DDX19B: variants seen among roughly 807,000 people sequenced by gnomAD.
The protein encoded by DDX19B is ATP-dependent RNA helicase DDX19B.
In DDX19B, 27 loss-of-function variants were observed where a neutral mutation model predicts 58.1. The ratio of observed to expected loss-of-function variants is 0.46; its 90% CI spans 0.34 to 0.64. The LOEUF (loss-of-function observed/expected upper bound fraction) is 0.64. Ranked by LOEUF, DDX19B falls within the 30% of genes least tolerant of loss-of-function variation. DDX19B has a pLI of 0.01. For synonymous variants in DDX19B, 187 were observed against 214.4 expected, an observed-to-expected ratio of 0.87 and a Z score of 1.12; for missense variants, 399 against 596.5, an observed-to-expected ratio of 0.67 and a Z score of 3.45.
chr16:70,330,845 G>A (rs1425913653), intron 9 of DDX19B, among the ~76,000 whole-genome samples: 1 of 152,020 alleles, frequency 6.6e-6, no homozygotes, highest in East Asian at 1.9e-4. Context: ...AGGAGTTCAA[G>A]ACCAGCTTGC....
chr16:70,290,442 C>T (rs1961030808), upstream of DDX19B, among the ~76,000 whole-genome samples: 2 of 152,064 alleles, frequency 1.3e-5, no homozygotes, highest in African/African-American at 2.4e-5. Flanking sequence ...CAAGGGAATC[C>T]CTTGACCTCG....
At chr16:70,313,863 C>T (rs917291451) in intron 2 of DDX19B, among the ~76,000 whole-genome samples, 6 of 152,192 alleles carry the variant, frequency 3.9e-5, no homozygotes, top group East Asian at 3.9e-4. Context: ...AATCCCAGCA[C>T]TTTGGGAAGC....
At chr16:70,326,656 A>G (rs1278240387) in intron 7 of DDX19B, among the ~76,000 whole-genome samples, 1 of 148,548 alleles carries the variant, frequency 6.7e-6, no homozygotes, top group Non-Finnish European at 1.5e-5. Flanking sequence ...CCTGCCTCAG[A>G]CTCCCAAGTA....
chr16:70,319,615 G>C (rs1236474878), intron 5 of DDX19B: 1 of 149,340 alleles, frequency 6.7e-6, no homozygotes, highest in East Asian at 1.9e-4. Context: ...TTTAGGGCAA[G>C]TGTGGTGGCT....
chr16:70,307,887 C>T (rs566590937), intron 1 of DDX19B, among the ~76,000 whole-genome samples: 1 of 151,350 alleles, frequency 6.6e-6, no homozygotes, highest in African/African-American at 2.4e-5. Flanking sequence ...CCATGCCCAG[C>T]TAATATATTT....
At chr16:70,295,671 T>C (rs1186151988), upstream of DDX19B, among the ~76,000 whole-genome samples, 1 of 152,128 alleles carries the variant, frequency 6.6e-6, no homozygotes, top group Non-Finnish European at 1.5e-5. Context: ...GTATTTGTTA[T>C]ACCCTTTCTT....
chr16:70,295,010 T>C, upstream of DDX19B: 1 of 1,360,728 alleles, frequency 7.3e-7, no homozygotes, highest in Non-Finnish European at 9.5e-7. Context: ...TAACAATATT[T>C]CTCGAGGCTT....
chr16:70,323,654 C>G lies in DDX19B; in HGVS notation c.390-931C>G, dbSNP rs1962975092. Among the ~76,000 whole-genome samples, 3 of 151,390 alleles carry G rather than the reference C, an allele frequency of 2.0e-5. No individual in the cohort carries two copies. The South Asian group carries it at 6.3e-4, about 32-fold the overall frequency. ...GGCCAGGCTGGTCTCAAATTCCTGA[C>G]CTCGAATGATCCACCCACCTCGGCC... On this transcript the variant is annotated intron_variant, in intron 5 of 11. Transcript: ENST00000288071.
At chr16:70,291,979 T>TAA (rs961369023), upstream of DDX19B, among the ~76,000 whole-genome samples, 6 of 144,932 alleles carry the variant, frequency 4.1e-5, no homozygotes, top group Admixed American at 4.2e-4. Context: ...GAGACTCTGT[T>TAA]AAAAAAAAAA....
In DDX19B at chr16:70,332,893, A is replaced by G. The variant is rs1202961066; in HGVS notation, c.1187-75A>G. On this transcript the variant is annotated intron_variant, in intron 10 of 11. Coordinates refer to ENST00000288071, the MANE Select transcript of DDX19B (RefSeq NM_007242.7). ...TTCCCTTAATGCTGAGTCATGCTCC[A>G]TTGTATGGATGGACCACATGACTGA... The G allele has an allele frequency of 1.2e-5, 20 of 1,613,052 alleles. No homozygotes were observed. The Admixed American group carries it at 3.2e-4, about 26-fold the overall frequency.
Position 70,325,597 on chromosome 16 carries a change from T to A in DDX19B, c.516T>A (p.Tyr172Ter), listed in dbSNP as rs762357250. 3 of 1,613,894 alleles carry A rather than the reference T, an allele frequency of 1.9e-6. No homozygotes were observed. In the African/African-American group the frequency reaches 4.0e-5, roughly 22 times the overall value. Reference protein sequence around the residue: ...YPQCLCLSPTYELALQTGKVI... With the variant: ...YPQCLCLSPT ...AGTGTCTATGTCTCTCCCCAACGTA[T>A]GAGCTCGCCCTCCAAACAGGAAAAG... The change falls in exon 7 of 12, where the codon TAT (tyrosine) becomes TAA (stop). Residue 172 changes from tyrosine (Y) to a stop codon, truncating the protein, a stop_gained. Coordinates refer to ENST00000288071, the MANE Select transcript of DDX19B (RefSeq NM_007242.7). LOFTEE classifies it high-confidence loss of function.
rs1202167160 is a variant in DDX19B, at chr16:70,317,589, G to C, written c.389+1G>C. 6.2e-7 allele frequency: 1 copy of C among 1,604,620 alleles called. No homozygotes were observed. The highest frequency in any genetic ancestry group is 8.5e-7 in the Non-Finnish European group (1 of 1,175,002). On this transcript the variant is annotated splice_donor_variant, in intron 5 of 11. Transcript: ENST00000288071. LOFTEE classifies it high-confidence loss of function. ...CATTGCCACTGATGCTTGCTGAGCC[G>C]TATGTGTCCTATTACAACTCCATTT...
At chr16:70,311,111 T>C (rs549429702) in intron 1 of DDX19B, among the ~76,000 whole-genome samples, 25 of 150,736 alleles carry the variant, frequency 1.7e-4, no homozygotes, top group Middle Eastern at 3.5e-3. Context: ...TGGCAGCTCA[T>C]ATCTGTAATC....
chr16:70,312,748 T>C, intron 2 of DDX19B, 91 bp downstream of exon 2: 1 of 1,109,128 alleles, frequency 9.0e-7, no homozygotes, highest in East Asian at 2.5e-5. Context: ...AAATTTGTAT[T>C]TGTACCAGGC....
chr16:70,311,370 ACT>A (rs1351306038), intron 1 of DDX19B, among the ~76,000 whole-genome samples: 2 of 152,102 alleles, frequency 1.3e-5, no homozygotes, highest in Admixed American at 6.6e-5. Context: ...ACAGAGCAAG[ACT>A]CTGTCTCAAA....
chr16:70,289,954 C>A, upstream of DDX19B: 1 of 334,860 alleles, frequency 3.0e-6, no homozygotes, highest in South Asian at 2.2e-5. Flanking sequence ...CATGGTTACA[C>A]TTGTCCGGGG....
upstream of DDX19B, among the ~76,000 whole-genome samples, chr16:70,297,641 T>C (rs1961278108): frequency 6.6e-6 from 1 of 152,244 alleles, no homozygotes; most frequent in Admixed American, 6.5e-5. Flanking sequence ...GAGAAGCTTC[T>C]TTGATTCTAG....
At chr16:70,303,682 G>A (rs956451223) in intron 1 of DDX19B, among the ~76,000 whole-genome samples, 2 of 151,510 alleles carry the variant, frequency 1.3e-5, no homozygotes, top group Non-Finnish European at 2.9e-5. Context: ...TCAGCCTCCC[G>A]AGTAGCTGGG....
rs1247279665 is a variant in DDX19B at position 70,329,901 on chromosome 16, C to A, written c.856C>A (p.Gln286Lys). The A allele has an allele frequency of 6.2e-7, 1 of 1,614,100 alleles. No individual in the cohort carries two copies. The highest frequency in any genetic ancestry group is 1.3e-5 in the African/African-American group (1 of 74,932). ...TGAAGACTCTGTGTGGAAGTTTGCC[C>A]AGAAAGTGGTCCCAGACCCAAACGT... ...TFEDSVWKFA[Q>K]KVVPDPNVIK... Residue 286 changes from glutamine (Q) to lysine (K), a missense_variant, in exon 9 of 12, where the codon CAG (glutamine) becomes AAG (lysine). Gln to Lys is a moderately conservative substitution (Grantham distance 53). Transcript: ENST00000288071.
Sources: allele counts gnomAD v4.1 joint callset (sites outside exome capture counted in the v4.1 genomes callset), GRCh38; gene constraint gnomAD v4.1.1; transcripts MANE v1.5; gene names NCBI Gene and HGNC (gene_info 2026-07-23, HGNC 2026-07-21).